CCND3: variants seen among roughly 807,000 people sequenced by gnomAD.
The protein encoded by CCND3 is cyclin D3, also known as G1/S-specific cyclin-D3.
CCND3 carries 9 observed loss-of-function variants against 28.7 expected under a neutral mutation model. That is an observed-to-expected ratio of 0.31 (90% CI 0.19 to 0.55). CCND3 has a LOEUF of 0.55. Ranked by LOEUF, CCND3 falls within the 20% of genes least tolerant of loss-of-function variation. The probability of loss-of-function intolerance (pLI) is 0.93; values close to 1 mark genes in which losing one functional copy is unlikely to be tolerated. For missense variants in CCND3, 315 were observed against 385.8 expected (o/e 0.82, Z 1.54); for synonymous variants, 164 against 163.9 (o/e 1.00, Z 0.00).
At chr6:42,038,879 C>G (rs1764298194) in intron 1 of CCND3, among the ~76,000 whole-genome samples, 1 of 152,148 alleles carries the variant, frequency 6.6e-6, no homozygotes, top group Non-Finnish European at 1.5e-5. Flanking sequence ...CTGGTTAACC[C>G]ATGCAAAAGC....
chr6:41,987,827 T>C (rs1050141668), intron 1 of CCND3, among the ~76,000 whole-genome samples: 4 of 151,608 alleles, frequency 2.6e-5, no homozygotes, highest in Non-Finnish European at 2.9e-5. Flanking sequence ...GAATGGTGAA[T>C]TATATACACC....
chr6:41,959,619 C>T (rs972143951), intron 1 of CCND3, among the ~76,000 whole-genome samples: 2 of 148,500 alleles, frequency 1.3e-5, no homozygotes, highest in Non-Finnish European at 3.0e-5. Flanking sequence ...ACCAGGGAGT[C>T]GGAGGTTGCA....
At position 41,936,792 on chromosome 6, in the gene CCND3, G is replaced by T; in HGVS notation, c.575-97C>A. ...CCTTGGAAAGTGCCAGGCAGCATGA[G>T]TAGAGCAGAGGACATGCTGGAAAAC... On this transcript the variant is annotated intron_variant, in intron 3 of 4. Coordinates refer to ENST00000372991, the MANE Select transcript of CCND3 (RefSeq NM_001760.5). The surrounding 1 kb of genome is among the most constrained non-coding windows in gnomAD (Gnocchi z 4.4). The T allele has an allele frequency of 1.5e-6, 2 of 1,303,952 alleles. No individual in the cohort carries two copies. The highest frequency in any genetic ancestry group is 2.1e-6 in the Non-Finnish European group (2 of 932,844). 80.8% of individuals were successfully genotyped at this position (1,303,952 alleles called of 1,614,324 possible).
chr6:41,966,606 A>T (rs954370185), intron 1 of CCND3, among the ~76,000 whole-genome samples: 3 of 152,012 alleles, frequency 2.0e-5, no homozygotes, highest in Admixed American at 2.0e-4. Flanking sequence ...TGTTGTCTGT[A>T]TATCTCCATA....
chr6:41,992,725 G>C (rs569263572), intron 1 of CCND3, among the ~76,000 whole-genome samples: 46 of 152,234 alleles, frequency 3.0e-4, no homozygotes, highest in African/African-American at 1.0e-3. Flanking sequence ...GGGATTACAG[G>C]TGTGAGCCAC....
chr6:42,041,291 G>A (rs559607770), intron 1 of CCND3, among the ~76,000 whole-genome samples: 33 of 152,246 alleles, frequency 2.2e-4, no homozygotes, highest in Non-Finnish European at 4.1e-4. Flanking sequence ...GGAAAAGGCT[G>A]TACCCTCGGA....
At chr6:41,993,973 G>A (rs1288863520) in intron 1 of CCND3, among the ~76,000 whole-genome samples, 5 of 141,460 alleles carry the variant, frequency 3.5e-5, no homozygotes, top group African/African-American at 1.3e-4. Flanking sequence ...GAGCTATCAA[G>A]CCATGAAAAG....
At chr6:42,000,032 T>G (rs1762941501) in intron 1 of CCND3, among the ~76,000 whole-genome samples, 1 of 104,452 alleles carries the variant, frequency 9.6e-6, no homozygotes, top group South Asian at 3.8e-4. Flanking sequence ...GTAGATATAT[T>G]TATATAGGCC....
At chr6:41,995,691 G>A (rs1205214824) in intron 1 of CCND3, among the ~76,000 whole-genome samples, 1 of 152,158 alleles carries the variant, frequency 6.6e-6, no homozygotes, top group Non-Finnish European at 1.5e-5. Context: ...GCACTGAGTT[G>A]TCTTTGGGCA....
chr6:41,966,764 CA>C (rs1223853267), intron 1 of CCND3, among the ~76,000 whole-genome samples: 1 of 152,126 alleles, frequency 6.6e-6, no homozygotes, highest in Non-Finnish European at 1.5e-5. Context: ...CCTCTTCATC[CA>C]TTACAATAAT....
chr6:41,979,291 T>G (rs1448037229), intron 1 of CCND3, among the ~76,000 whole-genome samples: 1 of 151,918 alleles, frequency 6.6e-6, no homozygotes, highest in African/African-American at 2.4e-5. Context: ...CCCAGCACTT[T>G]GGGAGGCCAA....
intron 1 of CCND3, among the ~76,000 whole-genome samples, chr6:41,964,666 C>T (rs1469781047): frequency 6.6e-6 from 1 of 152,014 alleles, no homozygotes; most frequent in East Asian, 1.9e-4. Flanking sequence ...CCAGCAGACC[C>T]AGCAGGTTGG....
At chr6:41,991,763 C>T (rs1762656211) in intron 1 of CCND3, among the ~76,000 whole-genome samples, 1 of 152,150 alleles carries the variant, frequency 6.6e-6, no homozygotes, top group South Asian at 2.1e-4. Flanking sequence ...CTCCCCTTTC[C>T]ATCCTCTAGT....
At chr6:41,976,558 C>T (rs966202510) in intron 1 of CCND3, among the ~76,000 whole-genome samples, 2 of 151,844 alleles carry the variant, frequency 1.3e-5, no homozygotes, top group Non-Finnish European at 2.9e-5. Flanking sequence ...GGACTTGAAG[C>T]GGGAGGATTG....
intron 1 of CCND3, among the ~76,000 whole-genome samples, chr6:41,958,348 AAT>A (rs1347926868): frequency 6.6e-6 from 1 of 152,026 alleles, no homozygotes; most frequent in African/African-American, 2.4e-5. Flanking sequence ...TGGAGCAAAA[AAT>A]ATATATTTAC....
intron 1 of CCND3, among the ~76,000 whole-genome samples, chr6:42,001,655 T>A (rs930095209): frequency 6.6e-6 from 1 of 151,954 alleles, no homozygotes; most frequent in Non-Finnish European, 1.5e-5. Flanking sequence ...GGTAGAAGGA[T>A]CACTTGAGCT....
At chr6:42,015,634 C>T (rs773266084) in intron 1 of CCND3, among the ~76,000 whole-genome samples, 3 of 151,836 alleles carry the variant, frequency 2.0e-5, no homozygotes, top group African/African-American at 7.3e-5. Context: ...GGCATGAACC[C>T]GGGAGGCGGA....
rs1221229471 is a variant in CCND3, at chr6:42,048,533, C to G, written c.-78G>C. On this transcript the variant is annotated 5_prime_UTR_variant, in exon 1 of 5. Coordinates refer to the CCND3 transcript ENST00000372988. The surrounding 1 kb of genome is among the most constrained non-coding windows in gnomAD (Gnocchi z 4.7). ...TCAGGTGACCTCCCCGGAGCACCGA[C>G]TGGGGTCGCAGGCGCTCTGTCCCGC... 1.9e-6 allele frequency: 1 copy of G among 515,326 alleles called. No homozygotes were observed. Among genetic ancestry groups the G allele is most frequent in the Non-Finnish European group, 3.9e-6 (1 of 258,530 alleles). The allele number at this position is 515,326 out of a possible 1,614,324, so 31.9% of individuals were successfully genotyped here.
At chr6:41,961,726 T>C (rs1378796697) in intron 1 of CCND3, among the ~76,000 whole-genome samples, 1 of 152,102 alleles carries the variant, frequency 6.6e-6, no homozygotes, top group Non-Finnish European at 1.5e-5. Context: ...GCTTTGACAT[T>C]GCTCCAGCTC....
Sources: gnomAD v4.1 joint callset for allele counts (sites outside exome capture counted in the v4.1 genomes callset) on GRCh38, gnomAD v4.1.1 for gene constraint, Gnocchi (gnomAD v3.1) non-coding constraint, MANE v1.5 for transcripts, NCBI Gene and HGNC (gene_info 2026-07-23, HGNC 2026-07-21) for gene names.